Variants in SENP7 observed in about 807,000 individuals in gnomAD.
SENP7 encodes sentrin-specific protease 7.
Under a neutral mutation model 141.2 loss-of-function variants are expected in SENP7, and 64 were observed. That is an observed-to-expected ratio of 0.45 (90% confidence interval 0.37 to 0.56). SENP7 has a LOEUF of 0.56. SENP7 is among the 20% of genes least tolerant of loss of function. The probability of loss-of-function intolerance (pLI) is 0.00; values close to 1 mark genes in which losing one functional copy is unlikely to be tolerated. For synonymous variants in SENP7, 382 were observed against 426.4 expected, an observed-to-expected ratio of 0.90 and a Z score of 1.28; for missense variants, 1,025 against 1,212.2, an observed-to-expected ratio of 0.85 and a Z score of 2.29.
intron 5 of SENP7, among the ~76,000 whole-genome samples, chr3:101,409,846 T>C (rs1224599982): frequency 2.6e-5 from 4 of 152,172 alleles, no homozygotes; most frequent in Admixed American, 2.0e-4. Flanking sequence ...GAAGATGACA[T>C]TGGAAAAACC....
At chr3:101,510,996 G>T (rs899608167) in intron 1 of SENP7, among the ~76,000 whole-genome samples, 6 of 151,960 alleles carry the variant, frequency 3.9e-5, no homozygotes, top group African/African-American at 1.5e-4. Flanking sequence ...TTAAATATAC[G>T]CTATTAAGAA....
chr3:101,450,573 T>C (rs2063091675), intron 4 of SENP7, among the ~76,000 whole-genome samples: 1 of 152,082 alleles, frequency 6.6e-6, no homozygotes, highest in Admixed American at 6.6e-5. Context: ...TCAAAACCAC[T>C]CAACTACATG....
intron 6 of SENP7, among the ~76,000 whole-genome samples, chr3:101,375,367 A>G (rs2060292852): frequency 6.6e-6 from 1 of 151,796 alleles, no homozygotes; most frequent in South Asian, 2.1e-4. Flanking sequence ...ACATGGAGAA[A>G]CTCCGTCTCT....
At chr3:101,416,493 G>T (rs2061626521) in intron 5 of SENP7, among the ~76,000 whole-genome samples, 1 of 152,190 alleles carries the variant, frequency 6.6e-6, no homozygotes, top group South Asian at 2.1e-4. Context: ...ATCTGTCAGT[G>T]CAGTAAGAGA....
At chr3:101,494,922 G>A (rs960140321) in intron 2 of SENP7, among the ~76,000 whole-genome samples, 10 of 152,038 alleles carry the variant, frequency 6.6e-5, no homozygotes, top group East Asian at 1.9e-4. Flanking sequence ...AAGCAATTGC[G>A]ATAAAAGCAA....
chr3:101,340,351 A>T (rs1165668598), intron 15 of SENP7, 140 bp from the exon 16 acceptor site: 1 of 1,043,944 alleles, frequency 9.6e-7, no homozygotes, highest in African/African-American at 1.7e-5. Flanking sequence ...CCAGGCATAA[A>T]TAATGATATT....
chr3:101,501,075 A>C lies in SENP7; in HGVS notation c.85T>G (p.Ser29Ala). 6.2e-7 allele frequency: 1 copy of C among 1,604,018 alleles called. No homozygotes were observed. Among genetic ancestry groups the C allele is most frequent in the Non-Finnish European group, 8.5e-7 (1 of 1,173,474 alleles). The part of the protein sequence containing the change: ...GKRKKSSSDL[S>A]EIRKMLNAKP... ...AAAGCAAAACAAATGCATACCTCCG[A>C]TAAATCAGAAGATGACTTTTTCCTT... Residue 29 changes from serine to alanine, a missense_variant, in exon 2 of 24, where the codon TCG (serine) becomes GCG (alanine). By Grantham distance (99) the Ser-to-Ala change is moderately conservative. Coordinates refer to ENST00000394095, the MANE Select transcript of SENP7 (RefSeq NM_020654.5).
Position 101,389,976 on chromosome 3 carries a change from T to C in SENP7, c.677+8885A>G, listed in dbSNP as rs138809992. 6.1e-3 allele frequency among the ~76,000 whole-genome samples: 925 copies of C among 152,068 alleles called. 6 individuals are homozygous for C. Among genetic ancestry groups the C allele is most frequent in the African/African-American group, 0.022 (892 of 41,466 alleles). On this transcript the variant is annotated intron_variant, in intron 6 of 23. Transcript: ENST00000394095. ...GGCTCATGCTTGTAATCCCAGCACT[T>C]TGGGAGGCTGAGGCGGGTGGATCAC... is the stretch of plus-strand genomic sequence containing the variant.
At chr3:101,390,480 CT>C (rs1300138925) in intron 6 of SENP7, among the ~76,000 whole-genome samples, 4 of 151,996 alleles carry the variant, frequency 2.6e-5, no homozygotes, top group Non-Finnish European at 4.4e-5. Flanking sequence ...CTTTTGTAGA[CT>C]TTAAGTCAAA....
chr3:101,464,875 G>C (rs72942288), intron 3 of SENP7, among the ~76,000 whole-genome samples: 1,934 of 152,114 alleles, frequency 0.013, 32 homozygotes, highest in African/African-American at 0.043. Context: ...TCTGGAAATA[G>C]ATAGACCAAT....
chr3:101,365,261 C>A (rs551789754), intron 9 of SENP7, among the ~76,000 whole-genome samples: 1 of 151,896 alleles, frequency 6.6e-6, no homozygotes, highest in Admixed American at 6.5e-5. Flanking sequence ...CCTTGGCCTC[C>A]CAAAGTGCTG....
chr3:101,463,168 C>G (rs948461167), intron 3 of SENP7, among the ~76,000 whole-genome samples: 1 of 151,286 alleles, frequency 6.6e-6, no homozygotes, highest in Non-Finnish European at 1.5e-5. Context: ...AAGTTTGAGA[C>G]CAGTCTGATA....
intron 13 of SENP7, among the ~76,000 whole-genome samples, chr3:101,346,561 G>A (rs1300087698): frequency 6.6e-6 from 1 of 152,130 alleles, no homozygotes; most frequent in Non-Finnish European, 1.5e-5. Flanking sequence ...ATATATGATG[G>A]AATACTACTC....
chr3:101,465,936 A>G (rs942970056), intron 3 of SENP7, among the ~76,000 whole-genome samples: 6 of 152,202 alleles, frequency 3.9e-5, no homozygotes, highest in African/African-American at 1.4e-4. Context: ...GAAATTCAAC[A>G]AAGATTGATA....
At chr3:101,394,748 C>A (rs2060919987) in intron 6 of SENP7, among the ~76,000 whole-genome samples, 1 of 151,824 alleles carries the variant, frequency 6.6e-6, no homozygotes, top group Non-Finnish European at 1.5e-5. Flanking sequence ...ATAGTTACAC[C>A]AATTTACATT....
At position 101,466,710 on chromosome 3, in the gene SENP7, G is replaced by A. The variant is rs372034366; in HGVS notation, c.187-7658C>T. ...TATCACTACAAAAAGCCACAAAATC[G>A]GGCATTCCAAGATGGCTAAATAGGA... On this transcript the variant is annotated intron_variant, in intron 3 of 23. Transcript: ENST00000394095. 2.6e-5 allele frequency among the ~76,000 whole-genome samples: 4 copies of A among 152,150 alleles called. No individual in the cohort carries two copies. The South Asian group carries it at 8.3e-4, about 32-fold the overall frequency.
At chr3:101,374,930 A>G (rs1359427761) in intron 6 of SENP7, among the ~76,000 whole-genome samples, 1 of 152,148 alleles carries the variant, frequency 6.6e-6, no homozygotes, top group Admixed American at 6.5e-5. Flanking sequence ...CAAAAAATAA[A>G]TAACAATTAA....
At chr3:101,506,912 A>C (rs1041733539) in intron 1 of SENP7, among the ~76,000 whole-genome samples, 1 of 152,092 alleles carries the variant, frequency 6.6e-6, no homozygotes, top group African/African-American at 2.4e-5. Flanking sequence ...TTTTTAAAAA[A>C]TAGCCAGGCA....
intron 11 of SENP7, chr3:101,358,240 T>C: frequency 2.1e-6 from 2 of 959,338 alleles, no homozygotes; most frequent in South Asian, 2.5e-5. Context: ...AGAGAACTCA[T>C]ACTAGAGAGA....
Sources: gnomAD v4.1 joint callset for allele counts (sites outside exome capture counted in the v4.1 genomes callset) on GRCh38, gnomAD v4.1.1 for gene constraint, MANE v1.5 for transcripts, NCBI Gene and HGNC (gene_info 2026-07-23, HGNC 2026-07-21) for gene names.